Variants in CHFR observed in about 807,000 individuals in gnomAD.
The protein encoded by CHFR is checkpoint with forkhead and ring finger domains.
CHFR carries 57 observed loss-of-function variants against 87.6 expected under a neutral mutation model. The observed-to-expected ratio is 0.65, with a 90% confidence interval of 0.53 to 0.81. The LOEUF is 0.81. CHFR is among the 30% of genes least tolerant of loss of function. CHFR has a pLI of 0.00. For synonymous variants in CHFR, 381 were observed against 359.2 expected (o/e 1.06, Z -0.69); for missense variants, 797 against 865.8 (o/e 0.92, Z 1.00).
chr12:132,877,754 C>T, intron 2 of CHFR, 100 bp from the exon 3 acceptor site: 1 of 631,032 alleles, frequency 1.6e-6, no homozygotes, highest in Non-Finnish European at 2.6e-6. Context: ...CTCAGGATCC[C>T]CATTGTACAT....
At chr12:132,847,512 C>T (rs1950855282) in intron 14 of CHFR, 2 of 1,087,018 alleles carry the variant, frequency 1.8e-6, no homozygotes, top group Non-Finnish European at 2.2e-6. Context: ...TTCAAACACA[C>T]ACGAGCTGTT....
In CHFR at chr12:132,835,195, C is replaced by A. The variant is rs188472984; in HGVS notation, c.*6359G>T. On this transcript the variant is annotated 3_prime_UTR_variant, in exon 18 of 18. Coordinates refer to ENST00000450056, the MANE Select transcript of CHFR (RefSeq NM_001161346.2). ...GATACGGGTATCTGTGGTGGCGGGA[C>A]GGGGACATGGCTCAGCCCACCACGG... 2.2e-4 allele frequency: 33 copies of A among 152,228 alleles called. No homozygotes were observed. The highest frequency in any genetic ancestry group is 7.9e-4 in the African/African-American group (33 of 41,542). 9.4% of individuals were successfully genotyped at this position (152,228 alleles called of 1,614,324 possible).
rs982859586 is a variant in CHFR at position 132,851,821 on chromosome 12, C to A, written c.1373-84G>T. On this transcript the variant is annotated intron_variant, in intron 11 of 17. Coordinates refer to ENST00000450056, the MANE Select transcript of CHFR (RefSeq NM_001161346.2). ...TTAGAGAGGCCGCCGGGAAGCACAG[C>A]GAGGAGAGGTGCACCTGAGACAGCC... The A allele has an allele frequency of 8.7e-6, 13 of 1,487,280 alleles. No homozygotes were observed. The East Asian group carries it at 2.4e-4, about 28-fold the overall frequency. 92.1% of individuals were successfully genotyped at this position (1,487,280 alleles called of 1,614,324 possible).
chr12:132,848,471 C>T (rs977339477), intron 13 of CHFR, 170 bp downstream of exon 13: 14 of 690,866 alleles, frequency 2.0e-5, no homozygotes, highest in South Asian at 5.6e-5. Context: ...TGAGCTAACA[C>T]GAATTTGACA....
intron 9 of CHFR, 102 bp from the exon 10 acceptor site, chr12:132,856,732 G>C: frequency 7.4e-7 from 1 of 1,351,910 alleles, no homozygotes; most frequent in Non-Finnish European, 1.1e-6. Context: ...TGCGGAAGGA[G>C]GGGTCTGGGC....
intron 6 of CHFR, chr12:132,862,434 A>C (rs1348645034): frequency 2.2e-6 from 1 of 452,596 alleles, no homozygotes; most frequent in Non-Finnish European, 4.4e-6. Context: ...CTCTACAAAA[A>C]ATACAAAAAA....
intron 10 of CHFR, among the ~76,000 whole-genome samples, chr12:132,855,256 A>G (rs1212941014): frequency 1.3e-5 from 2 of 151,706 alleles, no homozygotes; most frequent in Admixed American, 6.6e-5. Flanking sequence ...AAAAAAAAAA[A>G]AGAAAAGAAA....
chr12:132,881,084 G>C (rs1324129542), intron 2 of CHFR, among the ~76,000 whole-genome samples: 1 of 152,084 alleles, frequency 6.6e-6, no homozygotes, highest in Non-Finnish European at 1.5e-5. Context: ...CTGGCCAACA[G>C]GATGAGACCC....
chr12:132,882,552 T>A (rs1445270230), intron 2 of CHFR, among the ~76,000 whole-genome samples: 1 of 152,168 alleles, frequency 6.6e-6, no homozygotes, highest in Admixed American at 6.5e-5. Context: ...TTGGAAGTAC[T>A]GTATCCAAGG....
rs555092855 is a variant in CHFR at position 132,878,479 on chromosome 12, A to G, written c.134-825T>C. ...GCTAGACTCCAACTGGAAATAAAAA[A>G]AAAAAAAAGCAATTTTACAATATGC... is the stretch of plus-strand genomic sequence containing the variant. On this transcript the variant is annotated intron_variant, in intron 2 of 17. Coordinates refer to ENST00000450056, the MANE Select transcript of CHFR (RefSeq NM_001161346.2). Among the ~76,000 whole-genome samples, 216 of 151,650 alleles carry G rather than the reference A, an allele frequency of 1.4e-3. 2 individuals are homozygous for G. Among genetic ancestry groups the G allele is most frequent in the African/African-American group, 3.6e-3 (149 of 41,368 alleles).
Position 132,840,791 on chromosome 12 carries a change from G to A in CHFR, c.*763C>T, listed in dbSNP as rs1420814830. 3 of 152,106 alleles carry A rather than the reference G, an allele frequency of 2.0e-5. No homozygotes were observed. The highest frequency in any genetic ancestry group is 7.3e-5 in the African/African-American group (3 of 41,244). The allele number at this position is 152,106 out of a possible 1,614,324, so 9.4% of individuals were successfully genotyped here. A position where few individuals can be genotyped will look rare whatever the true frequency, so the allele number is the denominator to read the frequency against. On this transcript the variant is annotated 3_prime_UTR_variant, in exon 18 of 18. Coordinates refer to ENST00000450056, the MANE Select transcript of CHFR (RefSeq NM_001161346.2). ...CTCGGGGCCGCGGTCACTCACACAAGGGAGCAGCATGTCCTGGGACCTGCG... is the reference window on the plus strand; with the variant it reads ...CTCGGGGCCGCGGTCACTCACACAAAGGAGCAGCATGTCCTGGGACCTGCG...
chr12:132,873,978 G>A (rs1012106391), intron 3 of CHFR, among the ~76,000 whole-genome samples: 3 of 152,112 alleles, frequency 2.0e-5, no homozygotes, highest in Admixed American at 1.3e-4. Flanking sequence ...ATGCTCAGGG[G>A]CCCCTACACA....
intron 7 of CHFR, among the ~76,000 whole-genome samples, chr12:132,860,207 A>G (rs1260207757): frequency 6.6e-6 from 1 of 152,158 alleles, no homozygotes; most frequent in African/African-American, 2.4e-5. Flanking sequence ...ATCATGGTAC[A>G]TTTGATTTAT....
rs778078807 is a variant in CHFR at position 132,859,063 on chromosome 12, C to T, written c.911+5G>A. On this transcript the variant is annotated splice_donor_5th_base_variant and intron_variant, in intron 8 of 17. Transcript: ENST00000450056. ...TCCGTGAGCCAAGGGTGAACACGGT[C>T]GCACCTCACGCAGTCGTGCAGCAGG... The T allele has an allele frequency of 7.4e-6, 12 of 1,611,378 alleles. 1 individual carries two copies. Among genetic ancestry groups the T allele is most frequent in the South Asian group, 4.4e-5 (4 of 90,658 alleles).
At chr12:132,844,884 C>T (rs1184760597) in intron 15 of CHFR, among the ~76,000 whole-genome samples, 3 of 152,050 alleles carry the variant, frequency 2.0e-5, no homozygotes, top group South Asian at 2.1e-4. Context: ...CCGCCCGCCT[C>T]GGCTTCCCAA....
chr12:132,864,398 AT>A (rs754968939), intron 6 of CHFR, among the ~76,000 whole-genome samples: 7 of 152,232 alleles, frequency 4.6e-5, no homozygotes, highest in Non-Finnish European at 1.0e-4. Flanking sequence ...ACTGCCTCAC[AT>A]TTAGTAGCTG....
intron 16 of CHFR, among the ~76,000 whole-genome samples, chr12:132,843,585 C>T (rs1230351045): frequency 6.6e-6 from 1 of 152,140 alleles, no homozygotes; most frequent in Non-Finnish European, 1.5e-5. Context: ...CAACCACAGC[C>T]CTGTATGGCC....
At chr12:132,859,327 T>G in intron 7 of CHFR, 100 bp from the exon 8 acceptor site, 1 of 1,160,770 alleles carries the variant, frequency 8.6e-7, no homozygotes. Context: ...GTGTTCTAAC[T>G]GTCGTAACCG....
At chr12:132,842,896 T>C (rs1950732316) in intron 17 of CHFR, 115 bp downstream of exon 17, 2 of 828,192 alleles carry the variant, frequency 2.4e-6, no homozygotes, top group African/African-American at 1.7e-5. Flanking sequence ...AAGATACCGG[T>C]TCCTAAAGGA....
Sources: allele counts gnomAD v4.1 joint callset (sites outside exome capture counted in the v4.1 genomes callset), GRCh38; gene constraint gnomAD v4.1.1; transcripts MANE v1.5; gene names NCBI Gene and HGNC (gene_info 2026-07-23, HGNC 2026-07-21).